The following NBPF11 variants were observed in gnomAD, a reference collection of about 807,000 sequenced individuals.
NBPF11 encodes the protein NBPF member 11.
In NBPF11, 72 loss-of-function variants were observed where a neutral mutation model predicts 93.9. The observed-to-expected ratio is 0.77, with a 90% confidence interval of 0.63 to 0.93. The LOEUF (loss-of-function observed/expected upper bound fraction) is 0.93. Ranked by LOEUF, NBPF11 falls within the 40% of genes least tolerant of loss-of-function variation. The pLI is 0.00. For missense variants in NBPF11, 705 were observed against 802.2 expected (o/e 0.88, Z 1.46); for synonymous variants, 224 against 304.9 (o/e 0.73, Z 2.76).
chr1:148,146,546 C>A (rs1405331397), intron 1 of NBPF11: 9 of 1,604,318 alleles, frequency 5.6e-6, no homozygotes, highest in East Asian at 2.2e-5. Context: ...GCCGGGGCCG[C>A]CCCCTTGGGG....
In NBPF11 at chr1:148,137,981, T is replaced by G. The variant is rs28671203; in HGVS notation, c.-276-172A>C. ...GTTCAGCATACGGAGGACCCATGCC[T>G]GCACTGGCCTCTGAGTTCCCTTAGT... is the stretch of plus-strand genomic sequence containing the variant. On this transcript the variant is annotated intron_variant, in intron 2 of 23. Coordinates refer to ENST00000682118, the MANE Select transcript of NBPF11 (RefSeq NM_001385469.3). Among the ~76,000 whole-genome samples the G allele has an allele frequency of 2.6e-4, 38 of 148,816 alleles. No homozygotes were observed. The East Asian group carries it at 5.3e-3, about 21-fold the overall frequency.
chr1:148,149,614 C>T, intron 1 of NBPF11: 3 of 1,555,600 alleles, frequency 1.9e-6, no homozygotes, highest in Non-Finnish European at 2.6e-6. Flanking sequence ...GCCCCCGGAC[C>T]TCACCCCGCG....
chr1:148,120,061 T>C (rs1189684457), intron 10 of NBPF11, among the ~76,000 whole-genome samples: 3 of 151,340 alleles, frequency 2.0e-5, no homozygotes, highest in Non-Finnish European at 1.5e-5. Flanking sequence ...TCACCAAGTT[T>C]CCCTCAGAGT....
chr1:148,105,637 T>A, intron 21 of NBPF11, 109 bp from the exon 22 acceptor site: 1 of 678,022 alleles, frequency 1.5e-6, no homozygotes, highest in Non-Finnish European at 2.6e-6. Context: ...AGTAAAAGGA[T>A]AGATCTATTA....
chr1:148,108,193 C>G (rs1664242442), intron 18 of NBPF11, among the ~76,000 whole-genome samples: 1 of 151,052 alleles, frequency 6.6e-6, no homozygotes, highest in African/African-American at 2.4e-5. Flanking sequence ...AGAATTGAGA[C>G]AAAATCAGAG....
Position 148,110,284 on chromosome 1 carries a change from C to A in NBPF11, c.1801+94G>T, listed in dbSNP as rs1571416875. 5.7e-5 allele frequency: 88 copies of A among 1,535,738 alleles called. No individual in the cohort carries two copies. The South Asian group carries it at 8.1e-4, about 14-fold the overall frequency. ...TAGGTTCAGCCCACAGTGATGGCAACTCTCAGCCCAACCAGGGGCACAAGG... is the reference window on the plus strand; with the variant it reads ...TAGGTTCAGCCCACAGTGATGGCAAATCTCAGCCCAACCAGGGGCACAAGG... On this transcript the variant is annotated intron_variant, in intron 16 of 23. Coordinates refer to ENST00000682118, the MANE Select transcript of NBPF11 (RefSeq NM_001385469.3).
Position 148,139,167 on chromosome 1 carries a change from T to A in NBPF11, c.-276-1358A>T, listed in dbSNP as rs1361209476. 1.3e-3 allele frequency among the ~76,000 whole-genome samples: 192 copies of A among 151,702 alleles called. 1 individual carries two copies. Among genetic ancestry groups the A allele is most frequent in the Middle Eastern group, 0.01 (3 of 294 alleles). ...TATTATTATGTGAAAATGTATCATC[T>A]CAATTTTAATAGGAGATTTTAAAAA... On this transcript the variant is annotated intron_variant, in intron 2 of 23. Coordinates refer to ENST00000682118, the MANE Select transcript of NBPF11 (RefSeq NM_001385469.3).
intron 3 of NBPF11, among the ~76,000 whole-genome samples, chr1:148,136,810 G>A (rs1671365951): frequency 6.6e-6 from 1 of 151,890 alleles, no homozygotes; most frequent in South Asian, 2.1e-4. Flanking sequence ...AGAGGTAAGG[G>A]AATTATGTCA....
chr1:148,128,061 T>C (rs1669536221), intron 4 of NBPF11, among the ~76,000 whole-genome samples: 1 of 147,618 alleles, frequency 6.8e-6, no homozygotes, highest in African/African-American at 2.6e-5. Context: ...ATTGTATGAT[T>C]ATCACACAAT....
In NBPF11 at chr1:148,147,584, G is replaced by A. The variant is rs71337054; in HGVS notation, c.-548-3898C>T. ...GGGCCTCTGGTGGCTTTTCCTGCTC[G>A]CCATCCACTGGGCCTGTCTCGTCCT... On this transcript the variant is annotated intron_variant, in intron 1 of 23. Coordinates refer to ENST00000682118, the MANE Select transcript of NBPF11 (RefSeq NM_001385469.3). Among the ~76,000 whole-genome samples, 21 of 151,948 alleles carry A rather than the reference G, an allele frequency of 1.4e-4. 1 individual carries two copies. Among genetic ancestry groups the A allele is most frequent in the African/African-American group, 4.1e-4 (17 of 41,314 alleles).
Position 148,105,538 on chromosome 1 carries a change from G to C in NBPF11, c.2304-10C>G. The C allele has an allele frequency of 4.0e-6, 3 of 747,318 alleles. 1 individual carries two copies. In the South Asian group the frequency reaches 4.2e-5, roughly 10 times the overall value. The allele number at this position is 747,318 out of a possible 1,614,324, so 46.3% of individuals were successfully genotyped here. A position where few individuals can be genotyped will look rare whatever the true frequency, so the allele number is the denominator to read the frequency against. On this transcript the variant is annotated splice_polypyrimidine_tract_variant and intron_variant, in intron 21 of 23. Transcript: ENST00000682118. The stretch of plus-strand genomic sequence containing the variant: ...CAGCTCCCTGCTGAGCCTGGAAAAG[G>C]AGGAAAAAGTAAAGAATAAGCCAGG...
Position 148,105,522 on chromosome 1 carries a change from G to C in NBPF11, c.2310C>G (p.Ser770Arg), listed in dbSNP as rs1437450461. ...GCTCTACTACCTCCAGCAGCTCCCTGCTGAGCCTGGAAAAGGAGGAAAAAG... is the reference window on the plus strand; with the variant it reads ...GCTCTACTACCTCCAGCAGCTCCCTCCTGAGCCTGGAAAAGGAGGAAAAAG... The part of the protein sequence containing the change: ...EDQGPPCPRL[S>R]RELLEVVEPE... The change falls in exon 22 of 24, where the codon AGC becomes AGG. Residue 770 changes from serine to arginine, a missense_variant. By Grantham distance (110) the Ser-to-Arg change is moderately radical (BLOSUM62 -1). Coordinates refer to ENST00000682118, the MANE Select transcript of NBPF11 (RefSeq NM_001385469.3). 7.1e-5 allele frequency: 62 copies of C among 872,358 alleles called. 8 individuals are homozygous for C. In the Admixed American group the frequency reaches 9.3e-4, roughly 13 times the overall value. The allele number at this position is 872,358 out of a possible 1,614,324, so 54.0% of individuals were successfully genotyped here.
intron 5 of NBPF11, among the ~76,000 whole-genome samples, chr1:148,125,624 C>G (rs1265754158): frequency 6.6e-6 from 1 of 151,978 alleles, no homozygotes; most frequent in African/African-American, 2.4e-5. Flanking sequence ...TTAGAAACAG[C>G]ATAAGATTAG....
chr1:148,149,372 G>A (rs1438667526), intron 1 of NBPF11: 9 of 1,595,426 alleles, frequency 5.6e-6, no homozygotes, highest in South Asian at 2.2e-5. Flanking sequence ...CACGTCTCCC[G>A]TGCTCATCAT....
chr1:148,120,580 T>C lies in NBPF11; in HGVS notation c.909A>G (p.Lys303=). The part of the protein sequence containing the change: ...EKLCPQLAEK[K]QQFRSLKEKC... ...TCTCTTTGAGGCTTCTGAACTGCTGTTTCTTCTCTGCCAGCTGGGGGCACA... is the reference window on the plus strand; with the variant it reads ...TCTCTTTGAGGCTTCTGAACTGCTGCTTCTTCTCTGCCAGCTGGGGGCACA... The change falls in exon 10 of 24, where the codon AAA becomes AAG. Residue 303 remains lysine (K), a synonymous_variant. Transcript: ENST00000682118. 1 of 1,420,952 alleles carries C rather than the reference T, an allele frequency of 7.0e-7. No homozygotes were observed. Among genetic ancestry groups the C allele is most frequent in the African/African-American group, 1.4e-5 (1 of 71,066 alleles). The allele number at this position is 1,420,952 out of a possible 1,614,324, so 88.0% of individuals were successfully genotyped here. A position where few individuals can be genotyped will look rare whatever the true frequency, so the allele number is the denominator to read the frequency against.
chr1:148,119,561 C>T lies in NBPF11; in HGVS notation c.989-839G>A, dbSNP rs1445398082. 2.2e-3 allele frequency among the ~76,000 whole-genome samples: 327 copies of T among 151,912 alleles called. 1 individual carries two copies. Among genetic ancestry groups the T allele is most frequent in the Middle Eastern group, 6.8e-3 (2 of 294 alleles). On this transcript the variant is annotated intron_variant, in intron 10 of 23. Coordinates refer to ENST00000682118, the MANE Select transcript of NBPF11 (RefSeq NM_001385469.3). Reference sequence around the variant, plus strand: ...TGCTACCTCCACACATTCTCGGGTGCGATCTTTCTTCCTCTTTAGGAACAA... The same window carrying T: ...TGCTACCTCCACACATTCTCGGGTGTGATCTTTCTTCCTCTTTAGGAACAA...
At chr1:148,112,928 T>G (rs1360986499) in intron 15 of NBPF11, among the ~76,000 whole-genome samples, 38 of 151,564 alleles carry the variant, frequency 2.5e-4, no homozygotes, top group Admixed American at 1.8e-3. Flanking sequence ...CTGAGAGATT[T>G]TGTCACCACC....
At chr1:148,117,207 C>G (rs1187313170) in intron 12 of NBPF11, among the ~76,000 whole-genome samples, 2 of 151,374 alleles carry the variant, frequency 1.3e-5, no homozygotes, top group Admixed American at 6.6e-5. Flanking sequence ...CACTCACCGA[C>G]AGTTACTAAG....
rs1455548864 is a variant in NBPF11 at position 148,149,585 on chromosome 1, G to A, written c.-549+2165C>T. On this transcript the variant is annotated intron_variant, in intron 1 of 23. Coordinates refer to ENST00000682118, the MANE Select transcript of NBPF11 (RefSeq NM_001385469.3). ...CGCCTAGCGGCGGCCCCAACCAGCC[G>A]GACCTCAGCAATAAGGCGGCCCCCG... 5.6e-4 allele frequency: 893 copies of A among 1,592,976 alleles called. 8 individuals are homozygous for A. The highest frequency in any genetic ancestry group is 6.8e-4 in the Middle Eastern group (3 of 4,426).
Sources: gnomAD v4.1 joint callset for allele counts (sites outside exome capture counted in the v4.1 genomes callset) on GRCh38, gnomAD v4.1.1 for gene constraint, MANE v1.5 for transcripts, NCBI Gene and HGNC (gene_info 2026-07-23, HGNC 2026-07-21) for gene names.